BAIAP2: variants seen among roughly 807,000 people sequenced by gnomAD.
The protein encoded by BAIAP2 is BAR/IMD domain containing adaptor protein 2, also known as BAR/IMD domain-containing adapter protein 2.
A neutral mutation model predicts 63.0 loss-of-function variants in BAIAP2; 18 were observed. The ratio of observed to expected loss-of-function variants is 0.29; its 90% CI spans 0.20 to 0.42. The LOEUF is 0.42. Among genes scored for constraint, BAIAP2 ranks in the 10% least tolerant of loss-of-function variants. The pLI is 1.00. For missense variants in BAIAP2, 610 were observed against 734.3 expected (o/e 0.83, Z 1.96); for synonymous variants, 386 against 307.6 (o/e 1.25, Z -2.67).
rs1373645333 is a variant in BAIAP2 at position 81,115,827 on chromosome 17, C to A, written c.1593C>A (p.Pro531=). 5.0e-6 allele frequency: 8 copies of A among 1,613,372 alleles called. No homozygotes were observed. The highest frequency in any genetic ancestry group is 2.7e-5 in the African/African-American group (2 of 74,952). ...KPTVTNDRSA[P]LLS ...CAGTGACCAACGACAGGTCTGCCCC[C>A]CTCCTCAGCTGATGGCCACATCTGC... is the stretch of plus-strand genomic sequence containing the variant. Residue 531 remains proline, a synonymous_variant, in exon 14 of 14, where the codon CCC becomes CCA. Coordinates refer to ENST00000428708, the MANE Select transcript of BAIAP2 (RefSeq NM_001144888.2).
At chr17:81,069,012 G>A (rs569680252) in intron 3 of BAIAP2, among the ~76,000 whole-genome samples, 1 of 152,272 alleles carries the variant, frequency 6.6e-6, no homozygotes, top group Admixed American at 6.5e-5. Context: ...GACAGGACAG[G>A]GTCTCAGCAG....
intron 10 of BAIAP2, chr17:81,105,854 C>T (rs942852589): frequency 3.8e-5 from 19 of 493,512 alleles, no homozygotes; most frequent in Non-Finnish European, 6.6e-5. Flanking sequence ...GGGCCGGCAG[C>T]TCCCACCAGG....
chr17:81,043,678 C>T (rs574085872), intron 1 of BAIAP2, among the ~76,000 whole-genome samples: 177 of 152,322 alleles, frequency 1.2e-3, no homozygotes, highest in African/African-American at 4.2e-3. Flanking sequence ...CTGTGCTCAG[C>T]CTCGTTACTG....
Position 81,116,147 on chromosome 17 carries a change from C to T in BAIAP2, c.*308C>T. The T allele has an allele frequency of 1.9e-6, 3 of 1,599,156 alleles. No individual in the cohort carries two copies. The highest frequency in any genetic ancestry group is 2.6e-6 in the Non-Finnish European group (3 of 1,173,318). On this transcript the variant is annotated 3_prime_UTR_variant, in exon 14 of 14. Coordinates refer to ENST00000428708, the MANE Select transcript of BAIAP2 (RefSeq NM_001144888.2). ...TGGGTACCCCTGAGTTAAGGGAGGA[C>T]ATTTGGCCAGCTGGTGGCTGGGAGG...
At chr17:81,093,941 A>G (rs1388616508) in intron 6 of BAIAP2, among the ~76,000 whole-genome samples, 2 of 64,292 alleles carry the variant, frequency 3.1e-5, no homozygotes, top group East Asian at 9.5e-4. Flanking sequence ...CCTCCCCCCC[A>G]CCACCCCCGT....
chr17:81,077,471 G>GGTT, intron 3 of BAIAP2, among the ~76,000 whole-genome samples: 1 of 152,182 alleles, frequency 6.6e-6, no homozygotes, highest in Admixed American at 6.5e-5. Flanking sequence ...GGGAGGCTGA[G>GGTT]GCAGGATAAT....
chr17:81,057,452 C>T (rs1254212068), intron 2 of BAIAP2: 1 of 161,972 alleles, frequency 6.2e-6, no homozygotes, highest in Non-Finnish European at 1.3e-5. Context: ...AATAGTTCTC[C>T]CACTCCAGGC....
chr17:81,094,899 G>T (rs1357390594), intron 6 of BAIAP2, among the ~76,000 whole-genome samples: 1 of 152,226 alleles, frequency 6.6e-6, no homozygotes, highest in African/African-American at 2.4e-5. Flanking sequence ...CAGGGGACCT[G>T]GGGGGTTAAA....
At chr17:81,092,458 C>T (rs1426647247) in intron 6 of BAIAP2, among the ~76,000 whole-genome samples, 6 of 152,146 alleles carry the variant, frequency 3.9e-5, no homozygotes, top group Non-Finnish European at 5.9e-5. Context: ...CAGGCCCTGC[C>T]CCAGAGAGGC....
In BAIAP2 at chr17:81,086,390, C is replaced by T. The variant is rs545115518; in HGVS notation, c.352-53C>T. The T allele has an allele frequency of 7.0e-4, 1,119 of 1,600,076 alleles. 1 individual carries two copies. The highest frequency in any genetic ancestry group is 1.6e-3 in the Admixed American group (94 of 59,304). ...CCTCGGTTTTGCTGCCAGTGGTCCG[C>T]GCTGCGTTGGGTTCATGGGCCTTGG... On this transcript the variant is annotated intron_variant, in intron 5 of 13. Coordinates refer to ENST00000428708, the MANE Select transcript of BAIAP2 (RefSeq NM_001144888.2).
At chr17:81,064,112 C>G (rs2051055978) in intron 3 of BAIAP2, among the ~76,000 whole-genome samples, 1 of 152,266 alleles carries the variant, frequency 6.6e-6, no homozygotes, top group Non-Finnish European at 1.5e-5. Flanking sequence ...GGTTGCCAGG[C>G]AAGCAGTGGT....
chr17:81,098,760 G>A (rs913662068), intron 6 of BAIAP2, among the ~76,000 whole-genome samples: 1 of 152,186 alleles, frequency 6.6e-6, no homozygotes, highest in Non-Finnish European at 1.5e-5. Context: ...TGGCCAAGAC[G>A]TGACAGCCGC....
chr17:81,058,208 G>T (rs1386056787), intron 3 of BAIAP2, among the ~76,000 whole-genome samples: 15 of 152,170 alleles, frequency 9.9e-5, no homozygotes, highest in Admixed American at 3.9e-4. Context: ...GCAAACCCAC[G>T]TTTAAAAGTG....
At chr17:81,051,668 G>A (rs1390086888) in intron 1 of BAIAP2, among the ~76,000 whole-genome samples, 1 of 151,994 alleles carries the variant, frequency 6.6e-6, no homozygotes, top group Admixed American at 6.6e-5. Context: ...TTGGGATTAC[G>A]AGCGTGAGCC....
intron 3 of BAIAP2, among the ~76,000 whole-genome samples, chr17:81,084,187 G>A (rs545760409): frequency 6.6e-6 from 1 of 152,310 alleles, no homozygotes; most frequent in African/African-American, 2.4e-5. Flanking sequence ...GGCAAGGCGA[G>A]CCCAGGCCAG....
chr17:81,085,251 C>T, intron 4 of BAIAP2: 1 of 497,684 alleles, frequency 2.0e-6, no homozygotes, highest in South Asian at 2.1e-5. Flanking sequence ...CCCACACAAC[C>T]AGAGCACGTT....
At position 81,057,881 on chromosome 17, in the gene BAIAP2, G is replaced by A. The variant is rs2049857328; in HGVS notation, c.131G>A (p.Gly44Asp). 1.2e-6 allele frequency: 2 copies of A among 1,609,968 alleles called. No homozygotes were observed. The highest frequency in any genetic ancestry group is 8.5e-7 in the Non-Finnish European group (1 of 1,178,084). ...MGKNYEKALAGVTYAAKGYFD... is the reference protein window; with the variant it reads ...MGKNYEKALADVTYAAKGYFD... ...ACTGCTCCCTTTTCTTCTCTCTCAG[G>A]TGTGACGTATGCAGCCAAAGGCTAC... The change falls in exon 3 of 14, where the codon GGT (glycine) becomes GAT (aspartate). Residue 44 changes from glycine to aspartate, a missense_variant and splice_region_variant. Physicochemically the swap from Gly to Asp is moderately conservative, Grantham distance 94. Coordinates refer to ENST00000428708, the MANE Select transcript of BAIAP2 (RefSeq NM_001144888.2).
chr17:81,097,344 C>T (rs773437560), intron 6 of BAIAP2, among the ~76,000 whole-genome samples: 1 of 152,212 alleles, frequency 6.6e-6, no homozygotes, highest in Non-Finnish European at 1.5e-5. Flanking sequence ...TCACACTGGC[C>T]AGCAGGCAGA....
chr17:81,086,357 C>T (rs1379513106), intron 5 of BAIAP2, 86 bp from the exon 6 acceptor site: 1 of 1,539,772 alleles, frequency 6.5e-7, no homozygotes, highest in Non-Finnish European at 8.8e-7. Flanking sequence ...TTGCGTTGGG[C>T]TCATGGGCCT....
Sources: allele counts gnomAD v4.1 joint callset (sites outside exome capture counted in the v4.1 genomes callset), GRCh38; gene constraint gnomAD v4.1.1; transcripts MANE v1.5; gene names NCBI Gene and HGNC (gene_info 2026-07-23, HGNC 2026-07-21).